The following ARK2C variants were observed in gnomAD, a reference collection of about 807,000 sequenced individuals.
ARK2C encodes arkadia (RNF111) C-terminal like ring finger ubiquitin ligase 2C.
At chr18:46,415,881 G>A in the ARK2C span, among the ~76,000 whole-genome samples, 2 of 152,186 alleles carry the variant, frequency 1.3e-5, no homozygotes, top group Non-Finnish European at 1.5e-5. Context: ...CAGAGTTCAC[G>A]AGGGACCTGG....
chr18:46,340,213 A>C, the ARK2C span, among the ~76,000 whole-genome samples: 46 of 152,376 alleles, frequency 3.0e-4, 1 homozygote, highest in South Asian at 9.5e-3. Context: ...TGGTTTAGCT[A>C]CAGATAAACC....
At chr18:46,400,282 T>C in the ARK2C span, among the ~76,000 whole-genome samples, 5 of 152,222 alleles carry the variant, frequency 3.3e-5, no homozygotes, top group Non-Finnish European at 7.3e-5. Context: ...CTCTCTTTAC[T>C]TGGGCTTGGC....
the ARK2C span, among the ~76,000 whole-genome samples, chr18:46,451,919 A>G: frequency 7.2e-5 from 11 of 152,358 alleles, no homozygotes; most frequent in African/African-American, 1.9e-4. Context: ...TGTGTACTGT[A>G]TGTTTCCAAA....
chr18:46,446,265 A>G, the ARK2C span, among the ~76,000 whole-genome samples: 1 of 152,196 alleles, frequency 6.6e-6, no homozygotes, highest in African/African-American at 2.4e-5. Flanking sequence ...TCCCTTATTC[A>G]TTTATTAGCT....
the ARK2C span, among the ~76,000 whole-genome samples, chr18:46,362,003 A>C: frequency 1.8e-3 from 268 of 152,368 alleles, 1 homozygote; most frequent in African/African-American, 6.3e-3. Flanking sequence ...TGAGGATTTC[A>C]AAGGCATTTA....
At chr18:46,456,227 G>A in the ARK2C span, 1 of 651,352 alleles carries the variant, frequency 1.5e-6, no homozygotes, top group Non-Finnish European at 2.8e-6. Flanking sequence ...GGTTGCCCTG[G>A]GAAGGTGGGG....
the ARK2C span, among the ~76,000 whole-genome samples, chr18:46,395,234 T>A: frequency 6.6e-6 from 1 of 152,246 alleles, no homozygotes; most frequent in Non-Finnish European, 1.5e-5. Context: ...CAGGGGTCCT[T>A]GAGCCCACGT....
At chr18:46,423,621 A>C in the ARK2C span, among the ~76,000 whole-genome samples, 1 of 152,294 alleles carries the variant, frequency 6.6e-6, no homozygotes, top group Middle Eastern at 3.4e-3. Context: ...CGTGACACTG[A>C]TGTGGCAGAG....
chr18:46,383,765 AGGATGG>A, the ARK2C span, among the ~76,000 whole-genome samples: 1 of 152,098 alleles, frequency 6.6e-6, no homozygotes. Context: ...CGTGTTGGCC[AGGATGG>A]TCTTGATCTG....
the ARK2C span, among the ~76,000 whole-genome samples, chr18:46,359,120 T>C: frequency 9.4e-4 from 143 of 152,278 alleles, no homozygotes; most frequent in Non-Finnish European, 1.6e-3. Flanking sequence ...AGGGCTCCCA[T>C]GAGAGGAAGA....
At chr18:46,429,510 T>C in the ARK2C span, among the ~76,000 whole-genome samples, 1 of 152,248 alleles carries the variant, frequency 6.6e-6, no homozygotes, top group African/African-American at 2.4e-5. Flanking sequence ...TTATTCATAT[T>C]GTGGAAGAAA....
the ARK2C span, among the ~76,000 whole-genome samples, chr18:46,403,485 A>G: frequency 6.6e-6 from 1 of 152,126 alleles, no homozygotes; most frequent in African/African-American, 2.4e-5. Flanking sequence ...TATTATTTCT[A>G]TCCACAGACA....
chr18:46,456,140 C>A, the ARK2C span: 2 of 1,009,794 alleles, frequency 2.0e-6, no homozygotes, highest in Non-Finnish European at 3.1e-6. Context: ...TGACCAATCA[C>A]TGCACCGTGT....
chr18:46,362,643 T>C, the ARK2C span, among the ~76,000 whole-genome samples: 1 of 152,174 alleles, frequency 6.6e-6, no homozygotes, highest in Non-Finnish European at 1.5e-5. Context: ...AGACATATGG[T>C]TTCTTGGCCT....
the ARK2C span, among the ~76,000 whole-genome samples, chr18:46,383,730 A>G: frequency 6.6e-6 from 1 of 151,176 alleles, no homozygotes; most frequent in African/African-American, 2.4e-5. Context: ...AATTTTTTGT[A>G]TTTTTAATAC....
At chr18:46,406,552 C>A in the ARK2C span, among the ~76,000 whole-genome samples, 1 of 152,180 alleles carries the variant, frequency 6.6e-6, no homozygotes, top group Non-Finnish European at 1.5e-5. Flanking sequence ...GCTGAGGAAA[C>A]CAAGGCTCAG....
At chr18:46,450,888 G>T in the ARK2C span, 1 of 892,284 alleles carries the variant, frequency 1.1e-6, no homozygotes, top group Non-Finnish European at 1.8e-6. Context: ...TCACAGAGGG[G>T]TGCAGTCCAG....
chr18:46,368,037 G>T, the ARK2C span, among the ~76,000 whole-genome samples: 1 of 152,164 alleles, frequency 6.6e-6, no homozygotes, highest in African/African-American at 2.4e-5. Flanking sequence ...CCTGGGCCTG[G>T]CCCCAGAACC....
the ARK2C span, among the ~76,000 whole-genome samples, chr18:46,410,227 C>A: frequency 2.0e-5 from 3 of 152,356 alleles, no homozygotes; most frequent in African/African-American, 7.2e-5. Flanking sequence ...TGGCTTCTTG[C>A]ACCTCAGCTC....
Sources: allele counts gnomAD v4.1 joint callset (sites outside exome capture counted in the v4.1 genomes callset), GRCh38; gene constraint gnomAD v4.1.1; transcripts MANE v1.5; gene names NCBI Gene and HGNC (gene_info 2026-07-23, HGNC 2026-07-21).